Variants in MAML2 observed in about 807,000 individuals in gnomAD.
The protein encoded by MAML2 is mastermind like transcriptional coactivator 2.
Under a neutral mutation model 96.1 loss-of-function variants are expected in MAML2, and 22 were observed. The observed-to-expected ratio is 0.23, with a 90% CI of 0.16 to 0.33. The LOEUF is 0.33. Among genes scored for constraint, MAML2 ranks in the 10% least tolerant of loss-of-function variants. MAML2 has a pLI of 1.00. For missense variants in MAML2, 1,367 were observed against 1,392.4 expected (o/e 0.98, Z 0.29); for synonymous variants, 561 against 521.3 (o/e 1.08, Z -1.04).
At chr11:96,030,640 A>T (rs1027412030) in intron 2 of MAML2, among the ~76,000 whole-genome samples, 2 of 152,188 alleles carry the variant, frequency 1.3e-5, no homozygotes, top group Non-Finnish European at 2.9e-5. Flanking sequence ...CTCAAAACTC[A>T]AGCTGTATAC....
At chr11:96,224,385 C>T (rs1862182888) in intron 1 of MAML2, among the ~76,000 whole-genome samples, 1 of 152,142 alleles carries the variant, frequency 6.6e-6, no homozygotes, top group African/African-American at 2.4e-5. Context: ...ACCTTAAATT[C>T]CAACAGTGCC....
chr11:96,154,103 A>C (rs567789946), intron 1 of MAML2, among the ~76,000 whole-genome samples: 1 of 152,272 alleles, frequency 6.6e-6, no homozygotes, highest in African/African-American at 2.4e-5. Context: ...CCTACATTAG[A>C]GAAGGAGGAC....
At chr11:96,050,891 T>C (rs1434198935) in intron 2 of MAML2, among the ~76,000 whole-genome samples, 3 of 152,222 alleles carry the variant, frequency 2.0e-5, no homozygotes, top group African/African-American at 7.2e-5. Context: ...ATGGCTCTAA[T>C]TGCAGAAGAA....
At chr11:96,255,827 G>C (rs1223739981) in intron 1 of MAML2, among the ~76,000 whole-genome samples, 1 of 150,326 alleles carries the variant, frequency 6.7e-6, no homozygotes, top group Non-Finnish European at 1.5e-5. Context: ...GCTTATTGTC[G>C]GACTTTTTGT....
At chr11:96,200,699 G>A (rs1028638897) in intron 1 of MAML2, among the ~76,000 whole-genome samples, 1 of 152,144 alleles carries the variant, frequency 6.6e-6, no homozygotes, top group Non-Finnish European at 1.5e-5. Context: ...GTTAACATCT[G>A]TAATAGTGCA....
At chr11:96,104,344 C>T (rs192101634) in intron 1 of MAML2, among the ~76,000 whole-genome samples, 28 of 152,218 alleles carry the variant, frequency 1.8e-4, no homozygotes, top group Non-Finnish European at 3.2e-4. Flanking sequence ...AAGTACTTTC[C>T]GATGGTGGCA....
chr11:96,032,180 G>A (rs990840173), intron 2 of MAML2, among the ~76,000 whole-genome samples: 1 of 152,048 alleles, frequency 6.6e-6, no homozygotes, highest in Non-Finnish European at 1.5e-5. Context: ...AGACAGGATA[G>A]CAAAGTGGTG....
chr11:96,273,818 G>T (rs1862946474), intron 1 of MAML2, among the ~76,000 whole-genome samples: 1 of 152,126 alleles, frequency 6.6e-6, no homozygotes, highest in Non-Finnish European at 1.5e-5. Flanking sequence ...TCAAATTTGT[G>T]ATATAAGGCA....
At chr11:96,205,295 TG>T (rs1861880133) in intron 1 of MAML2, among the ~76,000 whole-genome samples, 5 of 152,246 alleles carry the variant, frequency 3.3e-5, no homozygotes, top group Non-Finnish European at 7.3e-5. Flanking sequence ...TACAAGACTG[TG>T]AGTGAACTCC....
intron 1 of MAML2, among the ~76,000 whole-genome samples, chr11:96,211,940 A>G (rs1861977846): frequency 1.3e-5 from 2 of 152,210 alleles, no homozygotes; most frequent in South Asian, 4.1e-4. Flanking sequence ...TGGTGAAAAA[A>G]GATGAGTGCT....
At chr11:95,985,186 G>A (rs895687460) in intron 4 of MAML2, among the ~76,000 whole-genome samples, 1 of 152,196 alleles carries the variant, frequency 6.6e-6, no homozygotes, top group Non-Finnish European at 1.5e-5. Context: ...AGTTACACAT[G>A]TGCCTGTCTA....
chr11:96,031,810 C>T (rs1364274508), intron 2 of MAML2, among the ~76,000 whole-genome samples: 1 of 151,816 alleles, frequency 6.6e-6, no homozygotes, highest in Admixed American at 6.6e-5. Flanking sequence ...ATGGTGAAAC[C>T]CCGTCTCTAC....
At chr11:96,177,240 AG>A (rs1407771255) in intron 1 of MAML2, among the ~76,000 whole-genome samples, 2 of 152,212 alleles carry the variant, frequency 1.3e-5, no homozygotes, top group African/African-American at 4.8e-5. Context: ...AGGCCCTTTG[AG>A]GATTATGAAT....
chr11:96,075,954 G>A (rs1444655787), intron 2 of MAML2, among the ~76,000 whole-genome samples: 2 of 152,174 alleles, frequency 1.3e-5, no homozygotes, highest in Non-Finnish European at 2.9e-5. Context: ...TTCCCCAAAC[G>A]TGAACACTGA....
chr11:96,166,177 T>TCTCACACA (rs530578845), intron 1 of MAML2, among the ~76,000 whole-genome samples: 1,818 of 110,278 alleles, frequency 0.016, 50 homozygotes, highest in African/African-American at 0.059. Flanking sequence ...TCTCTCTCTC[T>TCTCACACA]CACACACACA....
intron 1 of MAML2, among the ~76,000 whole-genome samples, chr11:96,294,685 T>C (rs1291839159): frequency 6.6e-6 from 1 of 152,208 alleles, no homozygotes; most frequent in African/African-American, 2.4e-5. Flanking sequence ...ACCTTTGGAA[T>C]AAACAAAGAG....
rs897367620 is a variant in MAML2, at chr11:95,990,016, G to A, written c.2343+1504C>T. Among the ~76,000 whole-genome samples, 49 of 152,124 alleles carry A rather than the reference G, an allele frequency of 3.2e-4. 1 individual carries two copies. The highest frequency in any genetic ancestry group is 1.2e-3 in the African/African-American group (48 of 41,496). ...TGCTCCACCCTCCACCTACAATAGT[G>A]GACCCCACCTACTCTATCAGAATCC... On this transcript the variant is annotated intron_variant, in intron 3 of 4. Transcript: ENST00000524717.
intron 1 of MAML2, among the ~76,000 whole-genome samples, chr11:96,273,429 T>C (rs1862942275): frequency 6.6e-6 from 1 of 152,246 alleles, no homozygotes; most frequent in Non-Finnish European, 1.5e-5. Context: ...AGTAATTTCA[T>C]GCAAATGAAG....
At position 96,004,887 on chromosome 11, in the gene MAML2, T is replaced by A. The variant is rs1369853195; in HGVS notation, c.2140-13164A>T. Among the ~76,000 whole-genome samples, 3 of 152,160 alleles carry A rather than the reference T, an allele frequency of 2.0e-5. No homozygotes were observed. In the East Asian group the frequency reaches 5.8e-4, roughly 29 times the overall value. On this transcript the variant is annotated intron_variant, in intron 2 of 4. Coordinates refer to ENST00000524717, the MANE Select transcript of MAML2 (RefSeq NM_032427.4). ...CAAAATTCCTGTTGAAACTTAATCC[T>A]CAGGGTAGTGGCACAAGAGGTGAGC... is the stretch of plus-strand genomic sequence containing the variant.
Sources: gnomAD v4.1 joint callset for allele counts (sites outside exome capture counted in the v4.1 genomes callset) on GRCh38, gnomAD v4.1.1 for gene constraint, MANE v1.5 for transcripts, NCBI Gene and HGNC (gene_info 2026-07-23, HGNC 2026-07-21) for gene names.